Variants in EMCN observed in about 807,000 individuals in gnomAD.
EMCN encodes MUC-14.
In EMCN, 37 loss-of-function variants were observed where a neutral mutation model predicts 38.4. That is an observed-to-expected ratio of 0.96 (90% CI 0.74 to 1.27). EMCN has a LOEUF of 1.27. Among genes scored for constraint, EMCN ranks in the 50% most tolerant of loss-of-function variants. EMCN has a pLI of 0.00. For synonymous variants in EMCN, 95 were observed against 100.8 expected, an observed-to-expected ratio of 0.94 and a Z score of 0.35; for missense variants, 318 against 302.8, an observed-to-expected ratio of 1.05 and a Z score of -0.37.
At chr4:100,461,570 G>A (rs1318618453) in intron 4 of EMCN, among the ~76,000 whole-genome samples, 1 of 152,072 alleles carries the variant, frequency 6.6e-6, no homozygotes, top group East Asian at 1.9e-4. Flanking sequence ...CTAGATTAAT[G>A]AGAAGTTCTA....
At chr4:100,464,141 C>A (rs1164008986) in intron 4 of EMCN, among the ~76,000 whole-genome samples, 1 of 151,310 alleles carries the variant, frequency 6.6e-6, no homozygotes, top group African/African-American at 2.4e-5. Flanking sequence ...TTTATTTCTA[C>A]ATATTTTATA....
chr4:100,418,653 G>A (rs1056446500), intron 8 of EMCN, among the ~76,000 whole-genome samples: 3 of 152,032 alleles, frequency 2.0e-5, no homozygotes, highest in Admixed American at 6.6e-5. Flanking sequence ...TTGTCTTTCT[G>A]TGCCTGACTT....
At chr4:100,423,276 A>G (rs749252269) in intron 6 of EMCN, 36 bp downstream of exon 6, 1 of 1,508,152 alleles carries the variant, frequency 6.6e-7, no homozygotes, top group South Asian at 1.1e-5. Context: ...AGGGTCAGGT[A>G]GAGCAGATTT....
At chr4:100,516,011 T>C (rs1162704633) in intron 1 of EMCN, among the ~76,000 whole-genome samples, 1 of 152,140 alleles carries the variant, frequency 6.6e-6, no homozygotes, top group Non-Finnish European at 1.5e-5. Context: ...TTTGTTTGTT[T>C]GTTTACAGAT....
intron 5 of EMCN, among the ~76,000 whole-genome samples, chr4:100,423,724 C>T (rs71614656): frequency 0.12 from 18,744 of 151,994 alleles, 1,361 homozygotes; most frequent in Middle Eastern, 0.17. Flanking sequence ...TAAATCTATG[C>T]AAAAGCATTT....
Position 100,473,023 on chromosome 4 carries a change from T to TA in EMCN, c.259+2014_259+2015insT, listed in dbSNP as rs1285081116. On this transcript the variant is annotated intron_variant, in intron 3 of 11. Coordinates refer to ENST00000296420, the MANE Select transcript of EMCN (RefSeq NM_016242.4). ...ATATATATATATTATATATATATAT[T>TA]TTTTTTTTTTGAGGTGGAGTTTATT... Among the ~76,000 whole-genome samples, 566 of 77,618 alleles carry TA rather than the reference T, an allele frequency of 7.3e-3. 3 individuals carry two copies. The highest frequency in any genetic ancestry group is 0.012 in the African/African-American group (329 of 28,146). The allele number at this position is 77,618 out of a possible 152,430, so 50.9% of individuals were successfully genotyped here.
At position 100,395,939 on chromosome 4, in the gene EMCN, A is replaced by G. The variant is rs180765319; in HGVS notation, c.*2474T>C. 1 of 152,320 alleles carries G rather than the reference A, an allele frequency of 6.6e-6. No individual in the cohort carries two copies. The highest frequency in any genetic ancestry group is 2.4e-5 in the African/African-American group (1 of 41,576). The allele number at this position is 152,320 out of a possible 1,614,324, so 9.4% of individuals were successfully genotyped here. A position where few individuals can be genotyped will look rare whatever the true frequency, so the allele number is the denominator to read the frequency against. ...TATATTCATATTATTATGCAAAACAAACACATAGAAAGTCTTGCCTTTGAT... is the reference window on the plus strand; with the variant it reads ...TATATTCATATTATTATGCAAAACAGACACATAGAAAGTCTTGCCTTTGAT... On this transcript the variant is annotated 3_prime_UTR_variant, in exon 12 of 12. Coordinates refer to ENST00000296420, the MANE Select transcript of EMCN (RefSeq NM_016242.4).
chr4:100,408,763 G>A (rs1374232910), intron 11 of EMCN, among the ~76,000 whole-genome samples: 1 of 152,172 alleles, frequency 6.6e-6, no homozygotes, highest in African/African-American at 2.4e-5. Context: ...AGCAGGGGCA[G>A]GGACCTTGGC....
chr4:100,483,490 T>C (rs1425240990), intron 1 of EMCN: 1 of 152,128 alleles, frequency 6.6e-6, no homozygotes, highest in Non-Finnish European at 1.5e-5. Flanking sequence ...AATAGTTCAC[T>C]ATTTTTTTCT....
At chr4:100,411,960 G>A (rs1340654901) in intron 10 of EMCN, among the ~76,000 whole-genome samples, 1 of 151,168 alleles carries the variant, frequency 6.6e-6, no homozygotes, top group Non-Finnish European at 1.5e-5. Flanking sequence ...GTTTTTTTTT[G>A]TTGTTAATGA....
At chr4:100,453,932 C>T (rs1727923843) in intron 4 of EMCN, among the ~76,000 whole-genome samples, 1 of 150,828 alleles carries the variant, frequency 6.6e-6, no homozygotes, top group East Asian at 2.0e-4. Context: ...TCAAAAACAC[C>T]AAACACCGCG....
intron 11 of EMCN, among the ~76,000 whole-genome samples, chr4:100,398,926 T>G (rs573986204): frequency 1.3e-5 from 2 of 152,250 alleles, no homozygotes; most frequent in South Asian, 4.1e-4. Flanking sequence ...AGCACAAATC[T>G]CATATTCCTT....
Position 100,417,151 on chromosome 4 carries a change from G to A in EMCN, c.665-10C>T, listed in dbSNP as rs1469559570. 1 of 1,613,682 alleles carries A rather than the reference G, an allele frequency of 6.2e-7. No individual in the cohort carries two copies. The highest frequency in any genetic ancestry group is 1.1e-5 in the South Asian group (1 of 91,046). On this transcript the variant is annotated splice_polypyrimidine_tract_variant and intron_variant, in intron 8 of 11. Coordinates refer to ENST00000296420, the MANE Select transcript of EMCN (RefSeq NM_016242.4). ...CCATTTTCTGGTGTGCCTAGGAGAAGAGGGAGTTGTTATTAGAGTTGCAAA... is the reference window on the plus strand; with the variant it reads ...CCATTTTCTGGTGTGCCTAGGAGAAAAGGGAGTTGTTATTAGAGTTGCAAA...
intron 5 of EMCN, among the ~76,000 whole-genome samples, chr4:100,431,225 A>G (rs750520819): frequency 6.6e-6 from 1 of 152,180 alleles, no homozygotes; most frequent in African/African-American, 2.4e-5. Context: ...ACAGTTAAGG[A>G]AAGTAAAAAA....
At chr4:100,489,196 A>G (rs909668788) in intron 1 of EMCN, among the ~76,000 whole-genome samples, 3 of 152,178 alleles carry the variant, frequency 2.0e-5, no homozygotes, top group Admixed American at 2.0e-4. Context: ...CTATAGGTTT[A>G]GAACTGTAAT....
chr4:100,409,922 G>T (rs982075244), intron 11 of EMCN, among the ~76,000 whole-genome samples: 1 of 152,162 alleles, frequency 6.6e-6, no homozygotes, highest in Non-Finnish European at 1.5e-5. Flanking sequence ...CCGTCACTTG[G>T]ATTCTGCCAG....
chr4:100,460,492 C>A (rs747404131), intron 4 of EMCN, among the ~76,000 whole-genome samples: 2 of 152,128 alleles, frequency 1.3e-5, no homozygotes, highest in Non-Finnish European at 2.9e-5. Context: ...ACAATCATGG[C>A]TGAAGGCTAA....
At chr4:100,478,116 C>G (rs1728709380) in intron 2 of EMCN, among the ~76,000 whole-genome samples, 1 of 152,082 alleles carries the variant, frequency 6.6e-6, no homozygotes. Flanking sequence ...ATGTTGTTCC[C>G]TCATTCTCCT....
At chr4:100,436,411 T>C (rs1727353856) in intron 5 of EMCN, among the ~76,000 whole-genome samples, 1 of 152,144 alleles carries the variant, frequency 6.6e-6, no homozygotes, top group South Asian at 2.1e-4. Context: ...ACATTCTTGG[T>C]AGGAGTGTAA....
Sources: gnomAD v4.1 joint callset for allele counts (sites outside exome capture counted in the v4.1 genomes callset) on GRCh38, gnomAD v4.1.1 for gene constraint, MANE v1.5 for transcripts, NCBI Gene and HGNC (gene_info 2026-07-23, HGNC 2026-07-21) for gene names.